Variants in GRM7 observed in about 807,000 individuals in gnomAD.
The protein encoded by GRM7 is metabotropic glutamate receptor 7.
A neutral mutation model predicts 84.5 loss-of-function variants in GRM7; 35 were observed. The ratio of observed to expected loss-of-function variants is 0.41; its 90% CI spans 0.32 to 0.55. The LOEUF is 0.55. GRM7 is among the 20% of genes least tolerant of loss of function. The pLI, the probability that GRM7 is intolerant of heterozygous loss-of-function variation, is 0.19. For synonymous variants in GRM7, 487 were observed against 455.1 expected, an observed-to-expected ratio of 1.07 and a Z score of -0.89; for missense variants, 1,003 against 1,194.6, an observed-to-expected ratio of 0.84 and a Z score of 2.36.
chr3:7,562,118 T>C (rs1364128102), intron 7 of GRM7, among the ~76,000 whole-genome samples: 1 of 152,110 alleles, frequency 6.6e-6, no homozygotes, highest in Admixed American at 6.5e-5. Context: ...CGCTTTTGAT[T>C]TAGGCTTTTT....
chr3:7,396,047 T>A (rs908633108), intron 4 of GRM7, among the ~76,000 whole-genome samples: 4 of 152,170 alleles, frequency 2.6e-5, no homozygotes, highest in African/African-American at 9.6e-5. Context: ...TTTGCCAATT[T>A]TTTTAAATTG....
rs572765300 is a variant in GRM7 at position 6,862,918 on chromosome 3, G to A, written c.519+1011G>A. 9.2e-6 allele frequency: 4 copies of A among 433,268 alleles called. No homozygotes were observed. Among genetic ancestry groups the A allele is most frequent in the Admixed American group, 5.3e-5 (2 of 37,680 alleles). The allele number at this position is 433,268 out of a possible 1,614,324, so 26.8% of individuals were successfully genotyped here. On this transcript the variant is annotated intron_variant, in intron 1 of 9. Coordinates refer to ENST00000357716, the MANE Select transcript of GRM7 (RefSeq NM_000844.4). The surrounding 1 kb of genome is among the most constrained non-coding windows in gnomAD (Gnocchi z 5.2). ...AAAATGGGAGGAAGGCGGATCCGGG[G>A]CCGCTGAGCGGTGGGTTCTGCCGCA... is the stretch of plus-strand genomic sequence containing the variant.
intron 7 of GRM7, among the ~76,000 whole-genome samples, chr3:7,519,526 A>G (rs1358302303): frequency 2.6e-5 from 4 of 152,160 alleles, no homozygotes; most frequent in Non-Finnish European, 4.4e-5. Flanking sequence ...TTTATTTGCA[A>G]TTTACTGGGG....
At chr3:7,373,874 A>G (rs1319666317) in intron 4 of GRM7, among the ~76,000 whole-genome samples, 1 of 152,218 alleles carries the variant, frequency 6.6e-6, no homozygotes, top group Non-Finnish European at 1.5e-5. Context: ...AACCTTGGAA[A>G]TGTCGCTTGT....
Position 7,235,528 on chromosome 3 carries a change from A to G in GRM7, c.737-63156A>G, listed in dbSNP as rs899501475. Among the ~76,000 whole-genome samples, 18 of 152,294 alleles carry G rather than the reference A, an allele frequency of 1.2e-4. 5 individuals carry two copies. The highest frequency in any genetic ancestry group is 2.0e-4 in the Admixed American group (3 of 15,300). ...TGTCTCCAAACTTTAAGGAGCTATG[A>G]TAGAGCAGAGTTACTCCAACACCTC... On this transcript the variant is annotated intron_variant, in intron 2 of 9. Coordinates refer to ENST00000357716, the MANE Select transcript of GRM7 (RefSeq NM_000844.4).
At chr3:7,523,852 A>C (rs1700690973) in intron 7 of GRM7, among the ~76,000 whole-genome samples, 1 of 152,038 alleles carries the variant, frequency 6.6e-6, no homozygotes, top group African/African-American at 2.4e-5. Flanking sequence ...AGGAAATAGG[A>C]CTTTGAGAAA....
intron 9 of GRM7, among the ~76,000 whole-genome samples, chr3:7,719,432 T>C (rs1701867865): frequency 2.0e-5 from 3 of 152,148 alleles, no homozygotes; most frequent in South Asian, 2.1e-4. Flanking sequence ...AGGGATTGTA[T>C]TGAAGATCAA....
intron 2 of GRM7, among the ~76,000 whole-genome samples, chr3:7,223,488 C>G (rs1476732383): frequency 1.4e-5 from 2 of 146,404 alleles, no homozygotes; most frequent in African/African-American, 2.6e-5. Context: ...CATAATTTCT[C>G]TAATATTTTT....
At chr3:7,175,572 C>T (rs1336352192) in intron 2 of GRM7, among the ~76,000 whole-genome samples, 1 of 152,158 alleles carries the variant, frequency 6.6e-6, no homozygotes. Context: ...AAGTGTCACT[C>T]TATTGCCCAG....
At chr3:7,003,388 A>G (rs1232567491) in intron 1 of GRM7, among the ~76,000 whole-genome samples, 1 of 151,284 alleles carries the variant, frequency 6.6e-6, no homozygotes, top group Non-Finnish European at 1.5e-5. Context: ...TCATTTTAAG[A>G]TAAATAAATA....
chr3:7,432,624 G>A (rs1450855811), intron 5 of GRM7, among the ~76,000 whole-genome samples: 3 of 143,742 alleles, frequency 2.1e-5, no homozygotes, highest in Non-Finnish European at 4.6e-5. Context: ...GCCCAGCCGG[G>A]CATCTAGTTT....
chr3:7,196,467 C>T (rs1695883338), intron 2 of GRM7, among the ~76,000 whole-genome samples: 1 of 152,140 alleles, frequency 6.6e-6, no homozygotes, highest in Admixed American at 6.5e-5. Flanking sequence ...CTCTCAGCTT[C>T]ATCTTGGACC....
At chr3:7,106,064 C>T (rs1574912070) in intron 1 of GRM7, among the ~76,000 whole-genome samples, 1 of 151,700 alleles carries the variant, frequency 6.6e-6, no homozygotes, top group African/African-American at 2.4e-5. Flanking sequence ...TTTAACCATT[C>T]AACTTAATTC....
chr3:7,367,485 T>C (rs1267720414), intron 4 of GRM7, among the ~76,000 whole-genome samples: 1 of 151,980 alleles, frequency 6.6e-6, no homozygotes, highest in Non-Finnish European at 1.5e-5. Flanking sequence ...ATTGACAAGA[T>C]ACTAGAAAGG....
At chr3:7,544,567 A>C (rs1693047216) in intron 7 of GRM7, among the ~76,000 whole-genome samples, 1 of 152,148 alleles carries the variant, frequency 6.6e-6, no homozygotes, top group South Asian at 2.1e-4. Flanking sequence ...TGTAAATCAA[A>C]GTTGCTGATA....
Position 7,593,948 on chromosome 3 carries a change from A to G in GRM7, c.2451+14591A>G, listed in dbSNP as rs574056102. On this transcript the variant is annotated intron_variant, in intron 8 of 9. Coordinates refer to ENST00000357716, the MANE Select transcript of GRM7 (RefSeq NM_000844.4). ...CCTTGACACAATCCACAGAAGGGGG[A>G]AAAAAAAAAACACTGAAAGTGATTT... Among the ~76,000 whole-genome samples, 1,057 of 141,000 alleles carry G rather than the reference A, an allele frequency of 7.5e-3. 14 individuals are homozygous for G. Among genetic ancestry groups the G allele is most frequent in the African/African-American group, 0.026 (965 of 36,516 alleles). The allele number at this position is 141,000 out of a possible 152,430, so 92.5% of individuals were successfully genotyped here. A position where few individuals can be genotyped will look rare whatever the true frequency, so the allele number is the denominator to read the frequency against.
chr3:7,113,546 T>C (rs1115021), intron 1 of GRM7, among the ~76,000 whole-genome samples: 83,246 of 152,060 alleles, frequency 0.55, 24,561 homozygotes, highest in African/African-American at 0.78. Context: ...CTTGATGAAC[T>C]TACAATGACA....
At chr3:7,183,276 G>A (rs1695404270) in intron 2 of GRM7, among the ~76,000 whole-genome samples, 1 of 152,128 alleles carries the variant, frequency 6.6e-6, no homozygotes, top group African/African-American at 2.4e-5. Context: ...GCTGTGTACA[G>A]GGGAGCAAAA....
chr3:7,168,574 A>C (rs1453651837), intron 2 of GRM7, among the ~76,000 whole-genome samples: 1 of 152,206 alleles, frequency 6.6e-6, no homozygotes, highest in Non-Finnish European at 1.5e-5. Flanking sequence ...AGCTTCCAGA[A>C]CTATGAGAAA....
Sources: gnomAD v4.1 joint callset for allele counts (sites outside exome capture counted in the v4.1 genomes callset) on GRCh38, gnomAD v4.1.1 for gene constraint, Gnocchi (gnomAD v3.1) non-coding constraint, MANE v1.5 for transcripts, NCBI Gene and HGNC (gene_info 2026-07-23, HGNC 2026-07-21) for gene names.